Variants in CCSER1 observed in about 807,000 individuals in gnomAD.
CCSER1 encodes the protein coiled-coil serine rich protein 1, also known as serine-rich coiled-coil domain-containing protein 1.
Under a neutral mutation model 82.0 loss-of-function variants are expected in CCSER1, and 41 were observed. That is an observed-to-expected ratio of 0.50 (90% CI 0.39 to 0.65). CCSER1 has a LOEUF of 0.65. Among genes scored for constraint, CCSER1 ranks in the 30% least tolerant of loss-of-function variants. The pLI, the probability that CCSER1 is intolerant of heterozygous loss-of-function variation, is 0.00. For synonymous variants in CCSER1, 414 were observed against 383.9 expected, an observed-to-expected ratio of 1.08 and a Z score of -0.92; for missense variants, 1,119 against 1,064.2, an observed-to-expected ratio of 1.05 and a Z score of -0.72.
intron 10 of CCSER1, among the ~76,000 whole-genome samples, chr4:91,245,818 T>G (rs566093294): frequency 9.3e-4 from 142 of 152,150 alleles, no homozygotes; most frequent in Non-Finnish European, 1.7e-3. Flanking sequence ...TGCCTCAGCC[T>G]CCTGAGTAGC....
rs958019112 is a variant in CCSER1 at position 91,598,605 on chromosome 4, C to T, written c.2251C>T (p.Leu751Phe). 1.9e-6 allele frequency: 3 copies of T among 1,549,748 alleles called. No individual in the cohort carries two copies. Among genetic ancestry groups the T allele is most frequent in the Non-Finnish European group, 2.6e-6 (3 of 1,145,780 alleles). Residue 751 changes from leucine to phenylalanine, a missense_variant, in exon 11 of 11, where the codon CTC becomes TTC. Transcript: ENST00000509176. Reference sequence around the variant, plus strand: ...TCGAAATCGAATTGTGAGCCAAAATCTCAGCACAAGGGACAGAAAAGCAAT... The same window carrying T: ...TCGAAATCGAATTGTGAGCCAAAATTTCAGCACAAGGGACAGAAAAGCAAT... ...TYRNRIVSQN[L>F]STRDRKAIHT...
rs572326958 is a variant in CCSER1, at chr4:90,853,612, C to T, written c.2094+37767C>T. Among the ~76,000 whole-genome samples, 87 of 152,060 alleles carry T rather than the reference C, an allele frequency of 5.7e-4. 2 individuals carry two copies. The highest frequency in any genetic ancestry group is 1.9e-3 in the African/African-American group (79 of 41,518). The stretch of plus-strand genomic sequence containing the variant: ...CACATTTAAACTATGTAAGCCAATA[C>T]TTTTAAAGACCAGTATTTTTTATTT... On this transcript the variant is annotated intron_variant, in intron 8 of 10. Transcript: ENST00000509176.
chr4:91,578,095 G>T (rs560964845), intron 10 of CCSER1, among the ~76,000 whole-genome samples: 8 of 152,012 alleles, frequency 5.3e-5, no homozygotes, highest in Admixed American at 2.0e-4. Context: ...TAGCCCCATG[G>T]GTCTTGGGAG....
chr4:90,562,499 T>A (rs1778895119), intron 5 of CCSER1, among the ~76,000 whole-genome samples: 1 of 152,122 alleles, frequency 6.6e-6, no homozygotes, highest in Non-Finnish European at 1.5e-5. Context: ...TGCAAAAAAA[T>A]GAGTGAAATT....
intron 3 of CCSER1, among the ~76,000 whole-genome samples, chr4:90,348,578 A>G (rs1329341652): frequency 6.6e-6 from 1 of 152,066 alleles, no homozygotes; most frequent in African/African-American, 2.4e-5. Context: ...TTATCAGTGG[A>G]CTTTTCATCT....
At chr4:91,389,152 A>T (rs1422391157) in intron 10 of CCSER1, among the ~76,000 whole-genome samples, 2 of 152,010 alleles carry the variant, frequency 1.3e-5, no homozygotes, top group Admixed American at 1.3e-4. Flanking sequence ...AAGGTTATCT[A>T]GGTTTTGTCC....
intron 8 of CCSER1, among the ~76,000 whole-genome samples, chr4:90,872,611 A>G (rs1278940926): frequency 1.3e-5 from 2 of 151,822 alleles, no homozygotes; most frequent in African/African-American, 4.8e-5. Context: ...CGATTGGTTC[A>G]TCTTTTAGTC....
chr4:90,946,099 C>T (rs993071882), intron 9 of CCSER1, among the ~76,000 whole-genome samples: 8 of 151,994 alleles, frequency 5.3e-5, no homozygotes, highest in African/African-American at 1.4e-4. Flanking sequence ...AACTTTTTGC[C>T]TTTGATTTTT....
chr4:90,664,001 T>C (rs1731271580), intron 6 of CCSER1: 1 of 165,300 alleles, frequency 6.0e-6, no homozygotes, highest in South Asian at 1.3e-4. Flanking sequence ...GGAGATACTT[T>C]TAAAAAAATC....
intron 6 of CCSER1, among the ~76,000 whole-genome samples, chr4:90,702,233 G>A (rs1456207506): frequency 1.3e-5 from 2 of 151,232 alleles, no homozygotes; most frequent in Admixed American, 1.3e-4. Context: ...TGAGATAATC[G>A]TGGTTTTTGT....
At chr4:91,195,590 C>T (rs80000726) in intron 10 of CCSER1, among the ~76,000 whole-genome samples, 1 of 152,128 alleles carries the variant, frequency 6.6e-6, no homozygotes, top group East Asian at 1.9e-4. Context: ...TCAGAAGAGG[C>T]TTAACCTTCT....
chr4:90,242,462 G>A (rs1182299712), intron 1 of CCSER1, among the ~76,000 whole-genome samples: 1 of 152,072 alleles, frequency 6.6e-6, no homozygotes. Flanking sequence ...AAATAATTGA[G>A]TCAAAAGTAT....
At chr4:91,242,112 A>G (rs954557823) in intron 10 of CCSER1, among the ~76,000 whole-genome samples, 5 of 152,194 alleles carry the variant, frequency 3.3e-5, no homozygotes, top group Non-Finnish European at 7.4e-5. Context: ...ATCTTTAAGC[A>G]GAGGTAAAAA....
chr4:90,195,995 C>T (rs1032305890), intron 1 of CCSER1, among the ~76,000 whole-genome samples: 5 of 151,946 alleles, frequency 3.3e-5, no homozygotes, highest in Non-Finnish European at 7.4e-5. Flanking sequence ...AATATCTTTT[C>T]CTTTGTTCTC....
At chr4:90,539,665 T>C (rs1449976392) in intron 5 of CCSER1, among the ~76,000 whole-genome samples, 4 of 152,122 alleles carry the variant, frequency 2.6e-5, no homozygotes, top group African/African-American at 4.8e-5. Flanking sequence ...ATAAATTATA[T>C]TGAGACACAA....
At chr4:90,601,028 T>A (rs1253471471) in intron 5 of CCSER1, among the ~76,000 whole-genome samples, 2 of 152,200 alleles carry the variant, frequency 1.3e-5, no homozygotes, top group East Asian at 3.9e-4. Context: ...ATTGATCTTG[T>A]ACAAACTCGT....
At chr4:90,215,583 A>C (rs1003633591) in intron 1 of CCSER1, among the ~76,000 whole-genome samples, 1 of 152,218 alleles carries the variant, frequency 6.6e-6, no homozygotes, top group Non-Finnish European at 1.5e-5. Flanking sequence ...GGTTAAAAAA[A>C]ATAAAAGCAA....
chr4:90,658,976 T>G (rs1415338683), intron 6 of CCSER1, among the ~76,000 whole-genome samples: 1 of 152,164 alleles, frequency 6.6e-6, no homozygotes, highest in East Asian at 1.9e-4. Context: ...TGTGATATTT[T>G]CTTCCCGTTT....
At chr4:90,533,416 T>C (rs1056397541) in intron 5 of CCSER1, among the ~76,000 whole-genome samples, 1 of 152,184 alleles carries the variant, frequency 6.6e-6, no homozygotes, top group Non-Finnish European at 1.5e-5. Flanking sequence ...TATCTGCTAT[T>C]CTCAGATTGT....
Sources: allele counts gnomAD v4.1 joint callset (sites outside exome capture counted in the v4.1 genomes callset), GRCh38; gene constraint gnomAD v4.1.1; transcripts MANE v1.5; gene names NCBI Gene and HGNC (gene_info 2026-07-23, HGNC 2026-07-21).